BPTF: variants seen among roughly 807,000 people sequenced by gnomAD.
The protein encoded by BPTF is nucleosome-remodeling factor subunit BPTF.
In BPTF, 18 loss-of-function variants were observed where a neutral mutation model predicts 292.5. The ratio of observed to expected loss-of-function variants is 0.06; its 90% CI spans 0.04 to 0.09. BPTF has a LOEUF of 0.09. Among genes scored for constraint, BPTF ranks in the 10% least tolerant of loss-of-function variants. The pLI is 1.00. For missense variants in BPTF, 2,726 were observed against 3,498.7 expected, an observed-to-expected ratio of 0.78 and a Z score of 5.57; for synonymous variants, 1,225 against 1,251.9, an observed-to-expected ratio of 0.98 and a Z score of 0.45.
rs532242011 is a variant in BPTF, at chr17:67,908,297, T to C, written c.2813-1285T>C. The stretch of plus-strand genomic sequence containing the variant: ...CTTCAGTCTCCCAAGTAGCTGGGAC[T>C]ACAGGCTCGTACCACCATGACTGGC... On this transcript the variant is annotated intron_variant, in intron 9 of 27. Coordinates refer to ENST00000306378, the MANE Select transcript of BPTF (RefSeq NM_182641.4). Among the ~76,000 whole-genome samples the C allele has an allele frequency of 2.6e-5, 4 of 152,090 alleles. No homozygotes were observed. In the South Asian group the frequency reaches 8.3e-4, roughly 32 times the overall value.
At chr17:67,846,051 ATT>A (rs1468965510) in intron 1 of BPTF, among the ~76,000 whole-genome samples, 7 of 152,190 alleles carry the variant, frequency 4.6e-5, no homozygotes, top group Non-Finnish European at 8.8e-5. Context: ...CTGAAGCAAA[ATT>A]TTTTCTTGAA....
chr17:67,924,529 C>T lies in BPTF; in HGVS notation c.5709-18C>T, dbSNP rs776678129. 5 of 1,611,070 alleles carry T rather than the reference C, an allele frequency of 3.1e-6. No individual in the cohort carries two copies. Among genetic ancestry groups the T allele is most frequent in the Admixed American group, 1.7e-5 (1 of 59,170 alleles). On this transcript the variant is annotated intron_variant, in intron 14 of 27. Transcript: ENST00000306378. The stretch of plus-strand genomic sequence containing the variant: ...TAACAGGCTAGTTTCTGATAAGTTT[C>T]TCCTTTTTTTCCTGCAGAGTGGAGA...
intron 26 of BPTF, among the ~76,000 whole-genome samples, chr17:67,970,460 C>T (rs1489916774): frequency 6.6e-6 from 1 of 152,198 alleles, no homozygotes; most frequent in African/African-American, 2.4e-5. Flanking sequence ...TCCTATATCT[C>T]CTAAGTAGGT....
intron 1 of BPTF, among the ~76,000 whole-genome samples, chr17:67,845,531 G>C (rs1211896862): frequency 1.3e-5 from 2 of 152,274 alleles, no homozygotes; most frequent in South Asian, 2.1e-4. Flanking sequence ...CTAGCACTTG[G>C]GGAGGCCCGA....
intron 20 of BPTF, among the ~76,000 whole-genome samples, chr17:67,944,926 G>GTGTA (rs57189261): frequency 0.88 from 134,209 of 151,890 alleles, 61,679 homozygotes; most frequent in East Asian, 1. Context: ...CAGCCAAGAA[G>GTGTA]CAGGGCCCAG....
rs2062634332 is a variant in BPTF, at chr17:67,911,273, A to G, written c.3389A>G (p.Asn1130Ser). 1 of 1,614,106 alleles carries G rather than the reference A, an allele frequency of 6.2e-7. No homozygotes were observed. Among genetic ancestry groups the G allele is most frequent in the East Asian group, 2.2e-5 (1 of 44,860 alleles). The change falls in exon 11 of 28, where the codon AAT (asparagine) becomes AGT (serine). Residue 1130 changes from asparagine to serine, a missense_variant. Asn to Ser is a conservative substitution (Grantham distance 46). Coordinates refer to ENST00000306378, the MANE Select transcript of BPTF (RefSeq NM_182641.4). The stretch of plus-strand genomic sequence containing the variant: ...CAAGAACAGAGCCCAAATGCAAATA[A>G]TGATCAACCTGAGGACTTGATTCAG... ...MRQEQSPNAN[N>S]DQPEDLIQGC...
At chr17:67,929,962 A>G (rs2064228171) in intron 17 of BPTF, among the ~76,000 whole-genome samples, 2 of 145,158 alleles carry the variant, frequency 1.4e-5, no homozygotes, top group African/African-American at 5.8e-5. Flanking sequence ...CAAAAAATAC[A>G]GAAATTAGCC....
At position 67,912,357 on chromosome 17, in the gene BPTF, A is replaced by G; in HGVS notation, c.4473A>G (p.Ser1491=). ...SETKSHLLSS[S]DAEGNYRDSL... ...CAAAATCGCATTTGCTGAGTTCTTC[A>G]GATGCTGAAGGTAACTACCGAGATA... Residue 1491 remains serine, a synonymous_variant, in exon 11 of 28, where the codon TCA becomes TCG. Coordinates refer to ENST00000306378, the MANE Select transcript of BPTF (RefSeq NM_182641.4). 6.2e-7 allele frequency: 1 copy of G among 1,614,182 alleles called. No homozygotes were observed. The highest frequency in any genetic ancestry group is 1.1e-5 in the South Asian group (1 of 91,090).
chr17:67,963,477 T>C (rs1555685089), intron 24 of BPTF: 11 of 1,535,070 alleles, frequency 7.2e-6, no homozygotes, highest in Non-Finnish European at 8.7e-6. Context: ...AATTGTACTG[T>C]ATCTGCAGAA....
chr17:67,937,127 A>C (rs552336600), intron 18 of BPTF, among the ~76,000 whole-genome samples: 1 of 152,274 alleles, frequency 6.6e-6, no homozygotes, highest in South Asian at 2.1e-4. Flanking sequence ...ACTGTATAAT[A>C]ATGTATGAAT....
chr17:67,880,779 G>A (rs2060346660), intron 4 of BPTF, among the ~76,000 whole-genome samples: 1 of 151,900 alleles, frequency 6.6e-6, no homozygotes, highest in Admixed American at 6.6e-5. Context: ...TGAAACTATA[G>A]GCTAATTATC....
chr17:67,873,475 AAAAAG>A (rs1371333802), intron 3 of BPTF, among the ~76,000 whole-genome samples: 1 of 151,740 alleles, frequency 6.6e-6, no homozygotes, highest in African/African-American at 2.4e-5. Context: ...AAAAAAAAAG[AAAAAG>A]AAAAACCGTG....
chr17:67,899,828 C>T (rs538586142), intron 7 of BPTF, among the ~76,000 whole-genome samples: 1 of 152,142 alleles, frequency 6.6e-6, no homozygotes, highest in South Asian at 2.1e-4. Context: ...CGCGCCCGGC[C>T]TATGCTGAGT....
chr17:67,864,773 A>G (rs1330783997), intron 2 of BPTF, among the ~76,000 whole-genome samples: 1 of 152,058 alleles, frequency 6.6e-6, no homozygotes, highest in Non-Finnish European at 1.5e-5. Context: ...TATTTGCATT[A>G]TACTTACCAG....
intron 1 of BPTF, among the ~76,000 whole-genome samples, chr17:67,847,119 A>C (rs924789304): frequency 6.6e-6 from 1 of 152,184 alleles, no homozygotes; most frequent in Admixed American, 6.5e-5. Flanking sequence ...AACATCTTTG[A>C]AAGGAAGTAA....
intron 1 of BPTF, among the ~76,000 whole-genome samples, chr17:67,844,334 A>G (rs565548467): frequency 4.7e-5 from 7 of 148,220 alleles, no homozygotes; most frequent in East Asian, 2.0e-4. Flanking sequence ...TGCAAGCTCT[A>G]TCTCCTAGGT....
intron 3 of BPTF, among the ~76,000 whole-genome samples, chr17:67,874,134 A>G (rs2059919325): frequency 6.6e-6 from 1 of 152,168 alleles, no homozygotes; most frequent in Non-Finnish European, 1.5e-5. Context: ...TAACCCAAAG[A>G]ATATAATTAA....
At chr17:67,856,432 G>A (rs1420080648) in intron 2 of BPTF, among the ~76,000 whole-genome samples, 1 of 151,944 alleles carries the variant, frequency 6.6e-6, no homozygotes, top group Non-Finnish European at 1.5e-5. Context: ...CTTCTAAGTT[G>A]CTTTTTCCTA....
rs368595283 is a variant in BPTF at position 67,870,800 on chromosome 17, C to T, written c.1661-4017C>T. On this transcript the variant is annotated intron_variant, in intron 3 of 27. Transcript: ENST00000306378. ...TTTTTTTTTTTTTGAGACGGAGTCT[C>T]GCTCTGTCGCCCAGGCTGGAGTGCA... Among the ~76,000 whole-genome samples, 48 of 107,818 alleles carry T rather than the reference C, an allele frequency of 4.5e-4. No individual in the cohort carries two copies. The East Asian group carries it at 4.6e-3, about 10-fold the overall frequency. 70.7% of individuals were successfully genotyped at this position (107,818 alleles called of 152,430 possible). A position where few individuals can be genotyped will look rare whatever the true frequency, so the allele number is the denominator to read the frequency against.
Sources: gnomAD v4.1 joint callset for allele counts (sites outside exome capture counted in the v4.1 genomes callset) on GRCh38, gnomAD v4.1.1 for gene constraint, MANE v1.5 for transcripts, NCBI Gene and HGNC (gene_info 2026-07-23, HGNC 2026-07-21) for gene names.